TMEM131L: variants seen among roughly 807,000 people sequenced by gnomAD.
TMEM131L encodes the protein transmembrane protein 131-like.
A neutral mutation model predicts 192.2 loss-of-function variants in TMEM131L; 54 were observed. That is an observed-to-expected ratio of 0.28 (90% CI 0.23 to 0.35). The LOEUF (loss-of-function observed/expected upper bound fraction) is 0.35, where lower values mean the gene tolerates loss of function less well. Ranked by LOEUF, TMEM131L falls within the 10% of genes least tolerant of loss-of-function variation. TMEM131L has a pLI of 1.00. For synonymous variants in TMEM131L, 701 were observed against 704.9 expected, an observed-to-expected ratio of 0.99 and a Z score of 0.09; for missense variants, 1,888 against 1,972.9, an observed-to-expected ratio of 0.96 and a Z score of 0.82.
rs1178320668 is a variant in TMEM131L at position 153,564,287 on chromosome 4, C to CAAAAAAA, written c.660+5940_660+5946dup. ...CTGGGAGACGAGCAAAACTCCGTCT[C>CAAAAAAA]AAAAAAAAAAAAAAAAAAAAAAAAA... On this transcript the variant is annotated intron_variant, in intron 7 of 34. Coordinates refer to ENST00000409959, the MANE Select transcript of TMEM131L (RefSeq NM_001131007.2). Among the ~76,000 whole-genome samples the CAAAAAAA allele has an allele frequency of 9.1e-3, 160 of 17,638 alleles. 15 individuals carry two copies. Among genetic ancestry groups the CAAAAAAA allele is most frequent in the African/African-American group, 0.021 (150 of 7,248 alleles). The allele number at this position is 17,638 out of a possible 152,430, so 11.6% of individuals were successfully genotyped here.
intron 25 of TMEM131L, among the ~76,000 whole-genome samples, chr4:153,606,957 G>A (rs192026161): frequency 9.2e-5 from 14 of 152,280 alleles, no homozygotes; most frequent in Admixed American, 2.6e-4. Flanking sequence ...CATGCATTTT[G>A]TTCTGACTGT....
chr4:153,584,679 A>G (rs1216824943), intron 11 of TMEM131L, among the ~76,000 whole-genome samples, 156 bp from the exon 12 acceptor site: 1 of 152,254 alleles, frequency 6.6e-6, no homozygotes, highest in Non-Finnish European at 1.5e-5. Flanking sequence ...GATGACAGGA[A>G]CATTTGAGAA....
intron 5 of TMEM131L, among the ~76,000 whole-genome samples, 194 bp from the exon 6 acceptor site, chr4:153,556,772 G>A (rs1728487135): frequency 6.6e-6 from 1 of 152,206 alleles, no homozygotes; most frequent in South Asian, 2.1e-4. Flanking sequence ...TAAGTTAGTG[G>A]TAATATTTGC....
intron 25 of TMEM131L, among the ~76,000 whole-genome samples, chr4:153,605,317 T>G (rs1732147213): frequency 6.6e-6 from 1 of 152,260 alleles, no homozygotes; most frequent in Non-Finnish European, 1.5e-5. Context: ...TTTCTTTTTT[T>G]GTCCACCCTG....
chr4:153,598,834 T>G, intron 21 of TMEM131L, 102 bp downstream of exon 21: 2 of 967,532 alleles, frequency 2.1e-6, no homozygotes, highest in Non-Finnish European at 2.8e-6. Context: ...AATTTTAAAT[T>G]TTTAAATTCT....
chr4:153,486,453 G>A (rs1732336960), intron 3 of TMEM131L, among the ~76,000 whole-genome samples: 2 of 152,212 alleles, frequency 1.3e-5, no homozygotes, highest in Non-Finnish European at 2.9e-5. Flanking sequence ...GACTCAACCA[G>A]CTCAAACAAT....
At chr4:153,544,235 G>A (rs753216512) in intron 3 of TMEM131L, among the ~76,000 whole-genome samples, 1 of 152,228 alleles carries the variant, frequency 6.6e-6, no homozygotes, top group East Asian at 1.9e-4. Context: ...TTCAGTCCTC[G>A]ATGTAGGTGC....
Position 153,555,757 on chromosome 4 carries a change from A to G in TMEM131L, c.309-30A>G, listed in dbSNP as rs1487324824. ...GGTAATATTTATAACCACACAATAC[A>G]TTGATTTTTCTCTTTGTTTCTCCTC... On this transcript the variant is annotated intron_variant, in intron 4 of 34. Coordinates refer to ENST00000409959, the MANE Select transcript of TMEM131L (RefSeq NM_001131007.2). The surrounding 1 kb of genome is among the most constrained non-coding windows in gnomAD (Gnocchi z 4.1). The G allele has an allele frequency of 1.3e-6, 2 of 1,539,944 alleles. No individual in the cohort carries two copies. Among genetic ancestry groups the G allele is most frequent in the East Asian group, 2.4e-5 (1 of 40,836 alleles).
chr4:153,567,087 A>G (rs562285885), intron 7 of TMEM131L, among the ~76,000 whole-genome samples: 1 of 152,332 alleles, frequency 6.6e-6, no homozygotes, highest in Admixed American at 6.5e-5. Context: ...TAACGTGGCA[A>G]TCTAGAAGGG....
chr4:153,621,769 G>T lies in TMEM131L; in HGVS notation c.3779G>T (p.Cys1260Phe), dbSNP rs761459169. 1 of 1,614,216 alleles carries T rather than the reference G, an allele frequency of 6.2e-7. No individual in the cohort carries two copies. Among genetic ancestry groups the T allele is most frequent in the Non-Finnish European group, 8.5e-7 (1 of 1,180,024 alleles). Residue 1260 changes from cysteine to phenylalanine, a missense_variant, in exon 28 of 35, where the codon TGT becomes TTT. Cys to Phe is a radical substitution (Grantham distance 205). Transcript: ENST00000409959. ...AGTGACATCAATGTAAGAAGCTGGT[G>T]TATACAGGAAAGCACTAGGGAGGTT... Reference protein sequence around the residue: ...LSSDINVRSWCIQESTREVCK... With the variant: ...LSSDINVRSWFIQESTREVCK...
chr4:153,635,711 A>G, intron 34 of TMEM131L, 140 bp downstream of exon 34: 1 of 956,438 alleles, frequency 1.0e-6, no homozygotes, highest in Middle Eastern at 3.2e-4. Flanking sequence ...AGATCACAGA[A>G]GCCAGGGCTG....
intron 14 of TMEM131L, among the ~76,000 whole-genome samples, chr4:153,586,904 G>A (rs1214210350): frequency 6.6e-6 from 1 of 152,014 alleles, no homozygotes; most frequent in African/African-American, 2.4e-5. Context: ...TCTTAAATAT[G>A]TCTCTTTCTT....
chr4:153,609,737 T>C (rs1732485084), intron 25 of TMEM131L, among the ~76,000 whole-genome samples: 1 of 152,218 alleles, frequency 6.6e-6, no homozygotes, highest in Non-Finnish European at 1.5e-5. Context: ...CTTTTAGTAC[T>C]ATATTCTTGG....
At chr4:153,557,669 A>C (rs1202565799) in intron 6 of TMEM131L, among the ~76,000 whole-genome samples, 8 of 152,244 alleles carry the variant, frequency 5.3e-5, no homozygotes, top group Non-Finnish European at 1.2e-4. Context: ...TTCCAAGATC[A>C]GTAATTTTTG....
intron 3 of TMEM131L, among the ~76,000 whole-genome samples, chr4:153,547,731 T>C (rs7699830): frequency 0.47 from 71,579 of 152,136 alleles, 21,170 homozygotes; most frequent in African/African-American, 0.84. Flanking sequence ...CCAGACTGCA[T>C]CGGTTCCTTG....
chr4:153,568,108 T>G (rs906629326), intron 7 of TMEM131L, among the ~76,000 whole-genome samples: 4 of 152,228 alleles, frequency 2.6e-5, no homozygotes, highest in Non-Finnish European at 5.9e-5. Context: ...TTTGTTTGTT[T>G]TAAAAGGAAT....
intron 3 of TMEM131L, among the ~76,000 whole-genome samples, chr4:153,522,892 T>C (rs1014152815): frequency 3.3e-5 from 5 of 152,192 alleles, no homozygotes; most frequent in African/African-American, 9.7e-5. Flanking sequence ...AATGGGTTGC[T>C]TGAAGCCCTG....
At chr4:153,612,938 A>G (rs1199697525) in intron 26 of TMEM131L, among the ~76,000 whole-genome samples, 1 of 152,202 alleles carries the variant, frequency 6.6e-6, no homozygotes, top group Non-Finnish European at 1.5e-5. Flanking sequence ...AGTTAAATTA[A>G]TTGAACTTCA....
chr4:153,592,458 T>C lies in TMEM131L; in HGVS notation c.1813-17T>C. 2 of 1,595,488 alleles carry C rather than the reference T, an allele frequency of 1.3e-6. No individual in the cohort carries two copies. Among genetic ancestry groups the C allele is most frequent in the South Asian group, 2.2e-5 (2 of 90,734 alleles). On this transcript the variant is annotated splice_polypyrimidine_tract_variant and intron_variant, in intron 17 of 34. Coordinates refer to ENST00000409959, the MANE Select transcript of TMEM131L (RefSeq NM_001131007.2). ...GTGTCCCTCTCGGGGTTTTAACTTT[T>C]CTTTCCTCACACCTAGATCAAGTAC...
Sources: gnomAD v4.1 joint callset for allele counts (sites outside exome capture counted in the v4.1 genomes callset) on GRCh38, gnomAD v4.1.1 for gene constraint, Gnocchi (gnomAD v3.1) non-coding constraint, MANE v1.5 for transcripts, NCBI Gene and HGNC (gene_info 2026-07-23, HGNC 2026-07-21) for gene names.